TMPRSS4: variants seen among roughly 807,000 people sequenced by gnomAD.
TMPRSS4 encodes the protein transmembrane protease serine 4.
Under a neutral mutation model 56.4 loss-of-function variants are expected in TMPRSS4, and 45 were observed. The ratio of observed to expected loss-of-function variants is 0.80; its 90% CI spans 0.63 to 1.02. TMPRSS4 has a LOEUF of 1.02. TMPRSS4 is among the 50% of genes least tolerant of loss of function. The pLI is 0.00. For synonymous variants in TMPRSS4, 205 were observed against 211.0 expected (o/e 0.97, Z 0.25); for missense variants, 546 against 556.7 (o/e 0.98, Z 0.19).
intron 7 of TMPRSS4, 64 bp from the exon 8 acceptor site, chr11:118,111,677 T>G (rs12290184): frequency 0.022 from 31,406 of 1,409,402 alleles, 2,142 homozygotes; most frequent in African/African-American, 0.22. Context: ...GGGTGCTGAG[T>G]GGAGGCAGCC....
At chr11:118,083,635 T>C (rs625404) in intron 1 of TMPRSS4, among the ~76,000 whole-genome samples, 9,950 of 152,268 alleles carry the variant, frequency 0.065, 388 homozygotes, top group East Asian at 0.1. Flanking sequence ...ATAAAAATAA[T>C]AGAATATACT....
In TMPRSS4 at chr11:118,091,456, G is replaced by A. The variant is rs1945955943; in HGVS notation, c.4-3360G>A. ...CTCACCCTGGATTACTCCCTGCATA[G>A]CACCTACCCCTCTCTGATCTTTTCT... On this transcript the variant is annotated intron_variant, in intron 1 of 12. Coordinates refer to ENST00000437212, the MANE Select transcript of TMPRSS4 (RefSeq NM_019894.4). 2.6e-5 allele frequency among the ~76,000 whole-genome samples: 4 copies of A among 152,174 alleles called. No homozygotes were observed. The South Asian group carries it at 8.3e-4, about 32-fold the overall frequency.
intron 7 of TMPRSS4, among the ~76,000 whole-genome samples, chr11:118,109,129 G>T (rs1156560798): frequency 6.6e-6 from 1 of 152,112 alleles, no homozygotes; most frequent in East Asian, 1.9e-4. Context: ...TCTGTGCATG[G>T]CTCCATGACC....
intron 1 of TMPRSS4, chr11:118,088,419 C>G (rs1266237174): frequency 1.3e-5 from 2 of 152,230 alleles, no homozygotes; most frequent in Non-Finnish European, 1.5e-5. Flanking sequence ...AACCGAGAAG[C>G]AGGAAAAGAA....
At chr11:118,082,750 G>A (rs1388255573) in intron 1 of TMPRSS4, among the ~76,000 whole-genome samples, 5 of 152,118 alleles carry the variant, frequency 3.3e-5, no homozygotes, top group South Asian at 4.1e-4. Context: ...GACCATTAAC[G>A]ATAGAAAATT....
rs778033791 is a variant in TMPRSS4 at position 118,103,217 on chromosome 11, T to C, written c.274T>C (p.Cys92Arg). The change falls in exon 4 of 13, where the codon TGT (cysteine) becomes CGT (arginine). Residue 92 changes from cysteine to arginine, a missense_variant. Physicochemically the swap from Cys to Arg is radical, Grantham distance 180 (BLOSUM62 -3). Coordinates refer to ENST00000437212, the MANE Select transcript of TMPRSS4 (RefSeq NM_019894.4). ...TCCCTTGGGGGAGGACGAGGAGCAC[T>C]GTGTCAAGAGCTTCCCCGAAGGGCC... ...DCPLGEDEEH[C>R]VKSFPEGPAV... 2.5e-6 allele frequency: 4 copies of C among 1,614,044 alleles called. No individual in the cohort carries two copies. The highest frequency in any genetic ancestry group is 1.7e-5 in the Admixed American group (1 of 60,010).
chr11:118,110,565 G>A (rs530495649), intron 7 of TMPRSS4, among the ~76,000 whole-genome samples: 11 of 152,176 alleles, frequency 7.2e-5, no homozygotes, highest in South Asian at 2.1e-4. Flanking sequence ...TAGAGACGGC[G>A]TTTCACCATG....
chr11:118,080,524 T>G (rs999085188), intron 1 of TMPRSS4, among the ~76,000 whole-genome samples: 1 of 151,684 alleles, frequency 6.6e-6, no homozygotes, highest in African/African-American at 2.4e-5. Flanking sequence ...GGAGAAGGGG[T>G]TCAGATGTCA....
Position 118,119,078 on chromosome 11 carries a change from C to T in TMPRSS4, c.*1165C>T. ...CCTAGATGAAATATACTTGTTCATACTGTACTAGGTTCTTAGGAAACAACA... is the reference window on the plus strand; with the variant it reads ...CCTAGATGAAATATACTTGTTCATATTGTACTAGGTTCTTAGGAAACAACA... On this transcript the variant is annotated 3_prime_UTR_variant, in exon 13 of 13. Transcript: ENST00000437212. 1.0e-6 allele frequency: 1 copy of T among 985,388 alleles called. No individual in the cohort carries two copies. The highest frequency in any genetic ancestry group is 1.2e-6 in the Non-Finnish European group (1 of 829,920). 61.0% of individuals were successfully genotyped at this position (985,388 alleles called of 1,614,324 possible).
At chr11:118,100,315 A>C (rs12284241) in intron 3 of TMPRSS4, among the ~76,000 whole-genome samples, 7,485 of 152,314 alleles carry the variant, frequency 0.049, 619 homozygotes, top group African/African-American at 0.17. Context: ...TTGGGGCAGG[A>C]CTGCCTGTGC....
intron 4 of TMPRSS4, among the ~76,000 whole-genome samples, chr11:118,103,825 C>A (rs555838578): frequency 3.3e-5 from 5 of 152,342 alleles, no homozygotes; most frequent in African/African-American, 1.2e-4. Context: ...ATGCGTGCTG[C>A]GCCTGGTGGA....
Position 118,096,340 on chromosome 11 carries a change from C to A in TMPRSS4, c.43+1485C>A, listed in dbSNP as rs575239305. ...GGAAACACAAAGTGTCCTAAGCTTTCCTTTGTTAACAGATTCATTAATACT... is the reference window on the plus strand; with the variant it reads ...GGAAACACAAAGTGTCCTAAGCTTTACTTTGTTAACAGATTCATTAATACT... On this transcript the variant is annotated intron_variant, in intron 2 of 12. Coordinates refer to ENST00000437212, the MANE Select transcript of TMPRSS4 (RefSeq NM_019894.4). Among the ~76,000 whole-genome samples, 143 of 152,332 alleles carry A rather than the reference C, an allele frequency of 9.4e-4. 1 individual carries two copies. Among genetic ancestry groups the A allele is most frequent in the Non-Finnish European group, 1.5e-5 (1 of 68,030 alleles).
intron 9 of TMPRSS4, among the ~76,000 whole-genome samples, chr11:118,114,457 G>A (rs546535399): frequency 1.3e-5 from 2 of 152,238 alleles, no homozygotes; most frequent in Non-Finnish European, 2.9e-5. Flanking sequence ...GCTTCCATGG[G>A]CAGGTCTGGC....
intron 6 of TMPRSS4, chr11:118,108,440 T>C (rs1283449070): frequency 5.6e-6 from 1 of 179,064 alleles, no homozygotes; most frequent in Non-Finnish European, 1.2e-5. Context: ...GAGGGCCGCT[T>C]ATTCACCGAA....
At chr11:118,111,216 G>A (rs1343994500) in intron 7 of TMPRSS4, among the ~76,000 whole-genome samples, 1 of 152,198 alleles carries the variant, frequency 6.6e-6, no homozygotes, top group African/African-American at 2.4e-5. Context: ...TTCCGGGGGT[G>A]GTGAGGGTGT....
At chr11:118,092,384 G>A (rs1309660214) in intron 1 of TMPRSS4, among the ~76,000 whole-genome samples, 3 of 152,252 alleles carry the variant, frequency 2.0e-5, no homozygotes, top group East Asian at 1.9e-4. Context: ...GGGGAAGCCA[G>A]TGAGCCAGGA....
At chr11:118,083,986 C>T (rs560068103) in intron 1 of TMPRSS4, among the ~76,000 whole-genome samples, 1 of 151,994 alleles carries the variant, frequency 6.6e-6, no homozygotes, top group African/African-American at 2.4e-5. Context: ...TGCAGTGAGC[C>T]GAGACAGCGC....
rs139495346 is a variant in TMPRSS4, at chr11:118,091,182, G to A, written c.4-3634G>A. ...ACCCAAGCACACCCAATCCATCGGCGAGGCCTATTGTTTGTATCTTCCAAA... is the reference window on the plus strand; with the variant it reads ...ACCCAAGCACACCCAATCCATCGGCAAGGCCTATTGTTTGTATCTTCCAAA... On this transcript the variant is annotated intron_variant, in intron 1 of 12. Coordinates refer to ENST00000437212, the MANE Select transcript of TMPRSS4 (RefSeq NM_019894.4). 5.1e-3 allele frequency among the ~76,000 whole-genome samples: 774 copies of A among 152,162 alleles called. 8 individuals carry two copies. Among genetic ancestry groups the A allele is most frequent in the Middle Eastern group, 0.01 (3 of 294 alleles).
Position 118,117,296 on chromosome 11 carries a change from C to G in TMPRSS4, c.1153-9C>G. 1.2e-6 allele frequency: 2 copies of G among 1,613,974 alleles called. No individual in the cohort carries two copies. The highest frequency in any genetic ancestry group is 1.7e-6 in the Non-Finnish European group (2 of 1,180,006). On this transcript the variant is annotated splice_polypyrimidine_tract_variant and intron_variant, in intron 11 of 12. Coordinates refer to ENST00000437212, the MANE Select transcript of TMPRSS4 (RefSeq NM_019894.4). ...CCTCCCCAGCAGTCTCTGTTCTGGT[C>G]TCTCACAGGGTGACAGTGGTGGGCC...
Sources: gnomAD v4.1 joint callset for allele counts (sites outside exome capture counted in the v4.1 genomes callset) on GRCh38, gnomAD v4.1.1 for gene constraint, MANE v1.5 for transcripts, NCBI Gene and HGNC (gene_info 2026-07-23, HGNC 2026-07-21) for gene names.